CCSER1: variants seen among roughly 807,000 people sequenced by gnomAD.
CCSER1 encodes the protein coiled-coil serine rich protein 1, also known as serine-rich coiled-coil domain-containing protein 1.
CCSER1 carries 41 observed loss-of-function variants against 82.0 expected under a neutral mutation model. The ratio of observed to expected loss-of-function variants is 0.50; its 90% CI spans 0.39 to 0.65. The LOEUF (loss-of-function observed/expected upper bound fraction) is 0.65. Among genes scored for constraint, CCSER1 ranks in the 30% least tolerant of loss-of-function variants. The pLI, the probability that CCSER1 is intolerant of heterozygous loss-of-function variation, is 0.00. For missense variants in CCSER1, 1,119 were observed against 1,064.2 expected (o/e 1.05, Z -0.72); for synonymous variants, 414 against 383.9 (o/e 1.08, Z -0.92).
intron 4 of CCSER1, among the ~76,000 whole-genome samples, chr4:90,425,862 A>G (rs1400350210): frequency 1.3e-5 from 2 of 152,108 alleles, no homozygotes; most frequent in Admixed American, 6.5e-5. Context: ...TGTAGGCCCT[A>G]GGATTCTAGT....
chr4:90,965,798 A>G (rs575862823), intron 9 of CCSER1, among the ~76,000 whole-genome samples: 1 of 152,242 alleles, frequency 6.6e-6, no homozygotes, highest in African/African-American at 2.4e-5. Flanking sequence ...CTCATAAGAG[A>G]GGGAAAAAAT....
intron 8 of CCSER1, among the ~76,000 whole-genome samples, chr4:90,864,460 G>T (rs116567512): frequency 2.0e-5 from 3 of 151,958 alleles, no homozygotes; most frequent in African/African-American, 7.2e-5. Flanking sequence ...CTAAAGAGTA[G>T]TTTTCTTATA....
intron 6 of CCSER1, among the ~76,000 whole-genome samples, chr4:90,672,096 T>TTAGCA (rs1732905546): frequency 6.6e-6 from 1 of 151,934 alleles, no homozygotes; most frequent in African/African-American, 2.4e-5. Context: ...CAGAGTAGAT[T>TTAGCA]TAGCATAATT....
intron 5 of CCSER1, among the ~76,000 whole-genome samples, chr4:90,474,346 G>A (rs1255852605): frequency 6.6e-6 from 1 of 152,180 alleles, no homozygotes; most frequent in African/African-American, 2.4e-5. Flanking sequence ...TGTGATGGAT[G>A]GGAGTGTGGA....
At chr4:90,729,361 C>T (rs1744287064) in intron 7 of CCSER1, among the ~76,000 whole-genome samples, 1 of 152,082 alleles carries the variant, frequency 6.6e-6, no homozygotes, top group African/African-American at 2.4e-5. Flanking sequence ...GATGAAGATT[C>T]AAGTTTAACA....
intron 9 of CCSER1, among the ~76,000 whole-genome samples, chr4:90,997,701 A>C: frequency 6.6e-6 from 1 of 152,338 alleles, no homozygotes; most frequent in East Asian, 1.9e-4. Context: ...TAAGTTGCAT[A>C]GTTCTTATTA....
At chr4:91,019,835 C>A (rs564809837) in intron 9 of CCSER1, among the ~76,000 whole-genome samples, 3 of 152,112 alleles carry the variant, frequency 2.0e-5, no homozygotes, top group Non-Finnish European at 4.4e-5. Context: ...TGGTTTTGCC[C>A]ATAAGTAAAT....
intron 6 of CCSER1, among the ~76,000 whole-genome samples, chr4:90,634,738 A>T (rs375733396): frequency 6.6e-6 from 1 of 151,878 alleles, no homozygotes; most frequent in East Asian, 1.9e-4. Flanking sequence ...AGCAATTACC[A>T]TGGAAATATA....
chr4:90,457,745 A>G (rs535806052), intron 4 of CCSER1, among the ~76,000 whole-genome samples: 1 of 151,852 alleles, frequency 6.6e-6, no homozygotes, highest in African/African-American at 2.4e-5. Flanking sequence ...CATAATTTTC[A>G]CTCTGCTCCA....
intron 9 of CCSER1, among the ~76,000 whole-genome samples, chr4:91,051,571 C>T (rs1331985765): frequency 6.6e-6 from 1 of 152,044 alleles, no homozygotes; most frequent in Non-Finnish European, 1.5e-5. Context: ...TATTTATTTT[C>T]AGCATTGTTT....
At chr4:91,151,103 C>CT (rs1730141489) in intron 10 of CCSER1, among the ~76,000 whole-genome samples, 3 of 152,012 alleles carry the variant, frequency 2.0e-5, no homozygotes, top group African/African-American at 4.8e-5. Flanking sequence ...TGGTCCTGGA[C>CT]TTTTTTTGGT....
intron 10 of CCSER1, among the ~76,000 whole-genome samples, chr4:91,152,429 A>G (rs754429252): frequency 3.3e-5 from 5 of 151,956 alleles, no homozygotes; most frequent in Admixed American, 2.0e-4. Context: ...TCTTTATCCA[A>G]TCTTTATCTT....
At chr4:91,102,870 C>T (rs1284569055) in intron 10 of CCSER1, among the ~76,000 whole-genome samples, 1 of 152,108 alleles carries the variant, frequency 6.6e-6, no homozygotes, top group Non-Finnish European at 1.5e-5. Context: ...TCTTATGATT[C>T]CCTTCTTAAT....
At chr4:90,319,611 C>T (rs980958652) in intron 3 of CCSER1, among the ~76,000 whole-genome samples, 1 of 150,228 alleles carries the variant, frequency 6.7e-6, no homozygotes, top group African/African-American at 2.5e-5. Flanking sequence ...GAGATCGCGC[C>T]ACTGCACTAC....
intron 10 of CCSER1, among the ~76,000 whole-genome samples, chr4:91,325,660 C>T (rs1528575): frequency 0.77 from 116,639 of 152,124 alleles, 45,200 homozygotes; most frequent in East Asian, 0.88. Context: ...CCTTCCAATA[C>T]GGCACAAAGC....
At position 91,418,303 on chromosome 4, in the gene CCSER1, T is replaced by TAAAA. The variant is rs142070235; in HGVS notation, c.2218-180258_2218-180255dup. ...CAACAAAATTCAGAGATTTTTTAAT[T>TAAAA]AAAAAAAAAAAAAACAAAATTGACA... On this transcript the variant is annotated intron_variant, in intron 10 of 10. Coordinates refer to ENST00000509176, the MANE Select transcript of CCSER1 (RefSeq NM_001145065.2). Among the ~76,000 whole-genome samples the TAAAA allele has an allele frequency of 3.8e-3, 432 of 113,596 alleles. 2 individuals are homozygous for TAAAA. Among genetic ancestry groups the TAAAA allele is most frequent in the South Asian group, 0.03 (96 of 3,224 alleles). The allele number at this position is 113,596 out of a possible 152,430, so 74.5% of individuals were successfully genotyped here.
chr4:91,031,912 A>G (rs1223292362), intron 9 of CCSER1, among the ~76,000 whole-genome samples: 1 of 152,046 alleles, frequency 6.6e-6, no homozygotes, highest in African/African-American at 2.4e-5. Context: ...TCATATAGAC[A>G]TTTTTTCCTA....
chr4:90,343,132 A>G (rs17016819), intron 3 of CCSER1, among the ~76,000 whole-genome samples: 46,090 of 152,016 alleles, frequency 0.3, 7,143 homozygotes, highest in East Asian at 0.44. Flanking sequence ...AATATGTTCA[A>G]AATAAACTAT....
chr4:91,580,253 G>T (rs1383460996), intron 10 of CCSER1, among the ~76,000 whole-genome samples: 1 of 151,676 alleles, frequency 6.6e-6, no homozygotes, highest in African/African-American at 2.4e-5. Flanking sequence ...TGACATATTA[G>T]ATATCCTTAT....
Sources: gnomAD v4.1 joint callset for allele counts (sites outside exome capture counted in the v4.1 genomes callset) on GRCh38, gnomAD v4.1.1 for gene constraint, MANE v1.5 for transcripts, NCBI Gene and HGNC (gene_info 2026-07-23, HGNC 2026-07-21) for gene names.